NXF3: variants seen among roughly 807,000 people sequenced by gnomAD.
The protein encoded by NXF3 is TAP-like protein 3.
A neutral mutation model predicts 48.4 loss-of-function variants in NXF3; 34 were observed. The ratio of observed to expected loss-of-function variants is 0.70; its 90% CI spans 0.53 to 0.93. NXF3 has a LOEUF of 0.93. Ranked by LOEUF, NXF3 falls within the 40% of genes least tolerant of loss-of-function variation. The pLI is 0.00. For synonymous variants in NXF3, 132 were observed against 145.7 expected (o/e 0.91, Z 0.68); for missense variants, 359 against 406.1 (o/e 0.88, Z 1.00).
At chrX:103,088,309 G>A (rs1922202171) in intron 1 of NXF3, 1 of 539,130 alleles carries the variant, frequency 1.9e-6, no homozygotes, top group Non-Finnish European at 3.1e-6. Context: ...TCGTATTTCT[G>A]GTGAGCCGTG....
At chrX:103,080,682 TCA>T in intron 9 of NXF3, 70 bp from the exon 10 acceptor site, 1 of 1,010,240 alleles carries the variant, frequency 9.9e-7, no homozygotes, top group East Asian at 3.0e-5. Context: ...ATGGGAGCAA[TCA>T]CACCTACGTC....
chrX:103,090,449 T>G (rs1405578767), intron 1 of NXF3, among the ~76,000 whole-genome samples: 2 of 112,320 alleles, frequency 1.8e-5, no homozygotes, highest in African/African-American at 6.5e-5. Flanking sequence ...TACAAAGGAC[T>G]TATTTCATAA....
At chrX:103,083,343 C>T in intron 5 of NXF3, 55 bp downstream of exon 5, 2 of 1,165,717 alleles carry the variant, frequency 1.7e-6, no homozygotes, top group Non-Finnish European at 1.2e-6. Flanking sequence ...CAAGACCTTA[C>T]CCTTGCCCTG....
Position 103,082,384 on chromosome X carries a change from C to T in NXF3, c.781-20G>A. 3 of 1,079,981 alleles carry T rather than the reference C, an allele frequency of 2.8e-6. No individual in the cohort carries two copies. The highest frequency in any genetic ancestry group is 3.8e-6 in the Non-Finnish European group (3 of 780,280). The allele number at this position is 1,079,981 out of a possible 1,213,427, so 89.0% of individuals were successfully genotyped here. A position where few individuals can be genotyped will look rare whatever the true frequency, so the allele number is the denominator to read the frequency against. On this transcript the variant is annotated intron_variant, in intron 8 of 19. Coordinates refer to ENST00000395065, the MANE Select transcript of NXF3 (RefSeq NM_022052.2). The stretch of plus-strand genomic sequence containing the variant: ...CATCACCTGCAATTATGCAGAAGAA[C>T]CACGTAGACCCAGGAAAGAGCAGCT...
intron 1 of NXF3, among the ~76,000 whole-genome samples, chrX:103,092,178 T>C (rs1360462390): frequency 2.7e-5 from 3 of 110,509 alleles, no homozygotes; most frequent in Non-Finnish European, 5.7e-5. Flanking sequence ...CGGACATAGT[T>C]TGATTGGCTG....
At chrX:103,078,699 C>T in intron 16 of NXF3, 67 bp from the exon 17 acceptor site, 3 of 1,200,159 alleles carry the variant, frequency 2.5e-6, no homozygotes, top group Non-Finnish European at 3.4e-6. Flanking sequence ...TGGTGATCCC[C>T]AATCAGAGTC....
chrX:103,092,236 T>G (rs930509209), intron 1 of NXF3, among the ~76,000 whole-genome samples: 5 of 92,117 alleles, frequency 5.4e-5, no homozygotes, highest in African/African-American at 2.0e-4. Context: ...AGAATTATTG[T>G]TTTTTTTTGT....
rs190343502 is a variant in NXF3 at position 103,092,177 on chromosome X, T to C, written c.28+819A>G. 2.4e-4 allele frequency among the ~76,000 whole-genome samples: 27 copies of C among 110,620 alleles called. No individual in the cohort carries two copies. The East Asian group carries it at 6.2e-3, about 26-fold the overall frequency. On this transcript the variant is annotated intron_variant, in intron 1 of 19. Transcript: ENST00000395065. ...GTAACATGATTATTTACGGACATAG[T>C]TTGATTGGCTGGCTAACTTAGTAGA...
intron 1 of NXF3, among the ~76,000 whole-genome samples, chrX:103,086,055 G>A (rs1435360569): frequency 2.7e-5 from 3 of 109,999 alleles, no homozygotes; most frequent in African/African-American, 6.6e-5. Context: ...CAAGTGATCC[G>A]CCCACCTTGG....
intron 16 of NXF3, 77 bp from the exon 17 acceptor site, chrX:103,078,709 C>A: frequency 8.4e-7 from 1 of 1,192,134 alleles, no homozygotes; most frequent in South Asian, 1.8e-5. Context: ...CAATCAGAGT[C>A]TTGCTTGACA....
chrX:103,082,212 A>G (rs1019609035), intron 9 of NXF3, 43 bp downstream of exon 9: 2 of 954,170 alleles, frequency 2.1e-6, no homozygotes, highest in Non-Finnish European at 3.0e-6. Flanking sequence ...GCGCTATCAA[A>G]CACAGGTCAG....
chrX:103,087,603 A>G (rs2073601386), intron 1 of NXF3: 1 of 967,537 alleles, frequency 1.0e-6, no homozygotes, highest in African/African-American at 1.9e-5. Flanking sequence ...TTACCAGAGG[A>G]AAGATGGGCA....
chrX:103,079,734 T>G, intron 13 of NXF3, 29 bp downstream of exon 13: 2 of 1,199,521 alleles, frequency 1.7e-6, no homozygotes, highest in East Asian at 3.0e-5. Context: ...CACATGGCCC[T>G]GGACCAGGGT....
intron 16 of NXF3, 32 bp from the exon 17 acceptor site, chrX:103,078,664 G>A (rs2147589715): frequency 8.3e-7 from 1 of 1,211,432 alleles, no homozygotes; most frequent in Non-Finnish European, 1.1e-6. Flanking sequence ...TTGCCTTAGA[G>A]TTGCACAGGC....
At chrX:103,091,984 C>CAAAA (rs59377364) in intron 1 of NXF3, among the ~76,000 whole-genome samples, 79 of 47,750 alleles carry the variant, frequency 1.7e-3, no homozygotes, top group East Asian at 2.5e-3. Flanking sequence ...GACTCCATCA[C>CAAAA]AAAAAAAAAA....
intron 17 of NXF3, 48 bp from the exon 18 acceptor site, chrX:103,077,794 C>A: frequency 8.5e-7 from 1 of 1,182,061 alleles, no homozygotes. Context: ...GGACACCTCC[C>A]CACCCGCTAC....
At chrX:103,088,467 T>A in intron 1 of NXF3, 2 of 913,553 alleles carry the variant, frequency 2.2e-6, no homozygotes, top group Non-Finnish European at 3.1e-6. Flanking sequence ...ATGAAAGGTA[T>A]CCTTACTACA....
chrX:103,090,610 C>T (rs1304643672), intron 1 of NXF3, among the ~76,000 whole-genome samples: 2 of 111,835 alleles, frequency 1.8e-5, no homozygotes, highest in Non-Finnish European at 3.8e-5. Context: ...GTGGAAAATC[C>T]TCTATTGAGA....
Position 103,087,975 on chromosome X carries a change from G to A in NXF3, c.29-3092C>T, listed in dbSNP as rs1449935353. On this transcript the variant is annotated intron_variant, in intron 1 of 19. Transcript: ENST00000395065. The stretch of plus-strand genomic sequence containing the variant: ...CAGAATATTGCCCCCTGCCTAATAA[G>A]TTAAATGCAAATCAGGGTGGTTTTG... 1.0e-5 allele frequency: 10 copies of A among 970,214 alleles called. No individual in the cohort carries two copies. The East Asian group carries it at 3.1e-4, about 30-fold the overall frequency. 80.0% of individuals were successfully genotyped at this position (970,214 alleles called of 1,213,427 possible).
Sources: gnomAD v4.1 joint callset for allele counts (sites outside exome capture counted in the v4.1 genomes callset) on GRCh38, gnomAD v4.1.1 for gene constraint, MANE v1.5 for transcripts, NCBI Gene and HGNC (gene_info 2026-07-23, HGNC 2026-07-21) for gene names.